The following PDZRN4 variants were observed in gnomAD, a reference collection of about 807,000 sequenced individuals.
PDZRN4 encodes PDZ domain-containing RING finger protein 4.
A neutral mutation model predicts 99.0 loss-of-function variants in PDZRN4; 70 were observed. The observed-to-expected ratio is 0.71, with a 90% CI of 0.58 to 0.86. PDZRN4 has a LOEUF of 0.86. Among genes scored for constraint, PDZRN4 ranks in the 40% least tolerant of loss-of-function variants. The pLI is 0.00. For missense variants in PDZRN4, 1,474 were observed against 1,331.2 expected, an observed-to-expected ratio of 1.11 and a Z score of -1.67; for synonymous variants, 551 against 501.6, an observed-to-expected ratio of 1.10 and a Z score of -1.32.
intron 3 of PDZRN4, among the ~76,000 whole-genome samples, chr12:41,348,942 G>A (rs1007766825): frequency 5.9e-5 from 9 of 151,842 alleles, no homozygotes; most frequent in African/African-American, 1.4e-4. Context: ...ATCTATGTAC[G>A]TATATGAATC....
intron 3 of PDZRN4, among the ~76,000 whole-genome samples, chr12:41,362,995 A>G (rs1419470714): frequency 6.6e-6 from 1 of 152,098 alleles, no homozygotes; most frequent in Non-Finnish European, 1.5e-5. Context: ...AAAGTACACA[A>G]GATTTGGGCC....
chr12:41,237,559 T>C (rs554639093), intron 3 of PDZRN4, among the ~76,000 whole-genome samples: 10 of 152,290 alleles, frequency 6.6e-5, no homozygotes, highest in African/African-American at 2.2e-4. Context: ...ATGTCCTGAA[T>C]GGTATTGCCT....
intron 3 of PDZRN4, among the ~76,000 whole-genome samples, chr12:41,261,800 T>G (rs1242419109): frequency 1.3e-5 from 2 of 152,234 alleles, no homozygotes; most frequent in South Asian, 4.1e-4. Flanking sequence ...CAAATAGTTC[T>G]ATTTCTCTTT....
At chr12:41,205,443 A>G (rs938072890) in intron 3 of PDZRN4, among the ~76,000 whole-genome samples, 1 of 151,948 alleles carries the variant, frequency 6.6e-6, no homozygotes, top group Non-Finnish European at 1.5e-5. Flanking sequence ...GCACTCCTAT[A>G]TAAATCCAAC....
chr12:41,507,114 G>T (rs760087779), intron 4 of PDZRN4, among the ~76,000 whole-genome samples: 61 of 152,122 alleles, frequency 4.0e-4, no homozygotes, highest in Admixed American at 2.4e-3. Flanking sequence ...ATTCTCCTCT[G>T]TGGGCCACCT....
At chr12:41,222,617 G>C (rs60489748) in intron 3 of PDZRN4, among the ~76,000 whole-genome samples, 14,931 of 152,046 alleles carry the variant, frequency 0.098, 1,354 homozygotes, top group African/African-American at 0.23. Flanking sequence ...CTCCCGGGTT[G>C]AAGTGATTCT....
Position 41,382,988 on chromosome 12 carries a change from C to T in PDZRN4, c.844-123468C>T, listed in dbSNP as rs185274356. ...TGTTTTTTTCTCTTTGGGATTTTCCCTAGAAAGGTAGTAAATGAACACAAT... is the reference window on the plus strand; with the variant it reads ...TGTTTTTTTCTCTTTGGGATTTTCCTTAGAAAGGTAGTAAATGAACACAAT... On this transcript the variant is annotated intron_variant, in intron 3 of 9. Transcript: ENST00000402685. Among the ~76,000 whole-genome samples, 10 of 152,098 alleles carry T rather than the reference C, an allele frequency of 6.6e-5. No homozygotes were observed. The East Asian group carries it at 1.9e-3, about 29-fold the overall frequency.
chr12:41,383,027 T>A (rs2121104853), intron 3 of PDZRN4, among the ~76,000 whole-genome samples: 1 of 152,358 alleles, frequency 6.6e-6, no homozygotes, highest in Non-Finnish European at 1.5e-5. Flanking sequence ...TTTATTTAAG[T>A]GCAACATAAG....
At chr12:41,566,581 G>T (rs1028993743) in intron 8 of PDZRN4, among the ~76,000 whole-genome samples, 3 of 151,918 alleles carry the variant, frequency 2.0e-5, no homozygotes, top group African/African-American at 7.3e-5. Flanking sequence ...TAAGTTTGAG[G>T]TCATTTAAGT....
intron 3 of PDZRN4, among the ~76,000 whole-genome samples, chr12:41,227,670 TAAC>T (rs113135443): frequency 9.2e-5 from 14 of 151,630 alleles, no homozygotes; most frequent in African/African-American, 2.2e-4. Flanking sequence ...CTCTCAACAA[TAAC>T]AACAACAACA....
At chr12:41,283,535 C>A (rs1951403354) in intron 3 of PDZRN4, among the ~76,000 whole-genome samples, 1 of 151,968 alleles carries the variant, frequency 6.6e-6, no homozygotes, top group South Asian at 2.1e-4. Context: ...TCCTGATATC[C>A]CAACCTGGCA....
intron 1 of PDZRN4, among the ~76,000 whole-genome samples, chr12:41,190,138 A>C (rs553364336): frequency 2.0e-5 from 3 of 152,144 alleles, no homozygotes; most frequent in African/African-American, 7.2e-5. Flanking sequence ...GGGAGGAGCA[A>C]CCCAGAAAGA....
At position 41,281,228 on chromosome 12, in the gene PDZRN4, T is replaced by A. The variant is rs576953778; in HGVS notation, c.843+87040T>A. On this transcript the variant is annotated intron_variant, in intron 3 of 9. Coordinates refer to ENST00000402685, the MANE Select transcript of PDZRN4 (RefSeq NM_001164595.2). ...ATCCAAAGATCACCAACAGCAAAGA[T>A]CAAAGGTAGATAAATCCACAAAGAT... 3.0e-4 allele frequency among the ~76,000 whole-genome samples: 46 copies of A among 151,058 alleles called. 1 individual carries two copies. Among genetic ancestry groups the A allele is most frequent in the Admixed American group, 9.3e-4 (14 of 15,064 alleles).
intron 3 of PDZRN4, among the ~76,000 whole-genome samples, chr12:41,243,726 A>G (rs1409420509): frequency 6.6e-6 from 1 of 152,074 alleles, no homozygotes; most frequent in Non-Finnish European, 1.5e-5. Context: ...GTACTTTTTC[A>G]TTTCTCTATG....
chr12:41,278,249 A>G (rs193127877), intron 3 of PDZRN4, among the ~76,000 whole-genome samples: 1 of 152,346 alleles, frequency 6.6e-6, no homozygotes, highest in East Asian at 1.9e-4. Flanking sequence ...CTTATGTTAT[A>G]TTCAGAAGTC....
chr12:41,214,621 A>G (rs1187917118), intron 3 of PDZRN4, among the ~76,000 whole-genome samples: 3 of 151,864 alleles, frequency 2.0e-5, no homozygotes, highest in Non-Finnish European at 4.4e-5. Context: ...CCTATTTAGC[A>G]TATGATTTTC....
intron 3 of PDZRN4, among the ~76,000 whole-genome samples, chr12:41,289,276 T>C (rs1228171456): frequency 1.3e-5 from 2 of 152,204 alleles, no homozygotes; most frequent in Admixed American, 6.5e-5. Flanking sequence ...TGCAATGTAA[T>C]AGTATGACTT....
intron 3 of PDZRN4, among the ~76,000 whole-genome samples, chr12:41,441,399 A>G (rs1952679911): frequency 6.6e-6 from 1 of 152,188 alleles, no homozygotes; most frequent in Admixed American, 6.6e-5. Context: ...GGTTTGGCAC[A>G]GCTAAGAGGT....
chr12:41,471,095 G>A (rs1478509500), intron 3 of PDZRN4, among the ~76,000 whole-genome samples: 3 of 152,180 alleles, frequency 2.0e-5, no homozygotes, highest in African/African-American at 7.2e-5. Flanking sequence ...AGCGGTGGTT[G>A]GAAATGACCC....
Sources: gnomAD v4.1 joint callset for allele counts (sites outside exome capture counted in the v4.1 genomes callset) on GRCh38, gnomAD v4.1.1 for gene constraint, MANE v1.5 for transcripts, NCBI Gene and HGNC (gene_info 2026-07-23, HGNC 2026-07-21) for gene names.